Variants in TMTC1 observed in about 807,000 individuals in gnomAD.
TMTC1 encodes transmembrane O-mannosyltransferase targeting cadherins 1, also known as protein O-mannosyl-transferase TMTC1.
TMTC1 carries 73 observed loss-of-function variants against 104.8 expected under a neutral mutation model. The observed-to-expected ratio is 0.70, with a 90% CI of 0.58 to 0.85. The LOEUF (loss-of-function observed/expected upper bound fraction) is 0.85, where lower values mean the gene tolerates loss of function less well. TMTC1 is among the 40% of genes least tolerant of loss of function. The pLI, the probability that TMTC1 is intolerant of heterozygous loss-of-function variation, is 0.00. For missense variants in TMTC1, 1,035 were observed against 1,096.1 expected, an observed-to-expected ratio of 0.94 and a Z score of 0.79; for synonymous variants, 434 against 428.7, an observed-to-expected ratio of 1.01 and a Z score of -0.15.
chr12:29,751,379 T>G (rs11050423), intron 5 of TMTC1, among the ~76,000 whole-genome samples: 18,175 of 151,994 alleles, frequency 0.12, 1,306 homozygotes, highest in East Asian at 0.26. Flanking sequence ...CCAGGAAACG[T>G]AGGGCGCCCA....
intron 5 of TMTC1, among the ~76,000 whole-genome samples, chr12:29,662,007 C>T (rs529018122): frequency 3.3e-5 from 5 of 152,078 alleles, no homozygotes; most frequent in South Asian, 2.1e-4. Context: ...AATCAAGAGA[C>T]GGTATTAAGA....
chr12:29,658,471 T>A (rs1939860936), intron 5 of TMTC1: 1 of 152,558 alleles, frequency 6.6e-6, no homozygotes, highest in South Asian at 2.1e-4. Flanking sequence ...CTTCTCCTGA[T>A]CATTTTCTTT....
At chr12:29,628,638 T>A (rs949623372) in intron 6 of TMTC1, among the ~76,000 whole-genome samples, 2 of 152,106 alleles carry the variant, frequency 1.3e-5, no homozygotes, top group African/African-American at 2.4e-5. Context: ...CTACAACCCT[T>A]TATTGTAACC....
At chr12:29,564,734 G>T (rs1254402227) in intron 9 of TMTC1, among the ~76,000 whole-genome samples, 2 of 152,086 alleles carry the variant, frequency 1.3e-5, no homozygotes, top group Non-Finnish European at 2.9e-5. Context: ...AGGAGATAAG[G>T]AAGCACACAG....
chr12:29,649,930 G>C (rs1939437493), intron 5 of TMTC1, among the ~76,000 whole-genome samples: 1 of 152,120 alleles, frequency 6.6e-6, no homozygotes, highest in African/African-American at 2.4e-5. Context: ...ATTTATTTTT[G>C]TATCAGGCTC....
Position 29,592,017 on chromosome 12 carries a change from T to C in TMTC1, c.1251-8443A>G, listed in dbSNP as rs561719651. On this transcript the variant is annotated intron_variant, in intron 7 of 17. Transcript: ENST00000539277. The stretch of plus-strand genomic sequence containing the variant: ...CTCTGGCTCAGACATTTTATGATAT[T>C]TGCTATGGCTTCACTTTCTGTTGAA... Among the ~76,000 whole-genome samples, 3 of 152,346 alleles carry C rather than the reference T, an allele frequency of 2.0e-5. No individual in the cohort carries two copies. The South Asian group carries it at 6.2e-4, about 32-fold the overall frequency.
intron 5 of TMTC1, among the ~76,000 whole-genome samples, chr12:29,709,925 C>T (rs1941852559): frequency 6.6e-6 from 1 of 152,100 alleles, no homozygotes; most frequent in African/African-American, 2.4e-5. Context: ...TTTCCAATCG[C>T]AGAACATGAG....
At chr12:29,684,811 T>G (rs1354019206) in intron 5 of TMTC1, among the ~76,000 whole-genome samples, 1 of 152,164 alleles carries the variant, frequency 6.6e-6, no homozygotes, top group Non-Finnish European at 1.5e-5. Context: ...CACACACAGT[T>G]GGCTGTAATT....
intron 11 of TMTC1, 90 bp downstream of exon 11, chr12:29,536,118 AC>A: frequency 3.4e-6 from 3 of 892,540 alleles, no homozygotes; most frequent in Non-Finnish European, 5.5e-6. Flanking sequence ...ATATGGGTTT[AC>A]AAATTAAATC....
At chr12:29,707,792 T>C (rs1354382310) in intron 5 of TMTC1, among the ~76,000 whole-genome samples, 1 of 152,198 alleles carries the variant, frequency 6.6e-6, no homozygotes, top group East Asian at 1.9e-4. Context: ...TGCTGTGCAC[T>C]ACCTGTCCAC....
intron 8 of TMTC1, among the ~76,000 whole-genome samples, chr12:29,572,747 C>T (rs1356786831): frequency 1.3e-5 from 2 of 152,178 alleles, no homozygotes; most frequent in Non-Finnish European, 2.9e-5. Context: ...GCTTTTCCTT[C>T]TAGGGAGAAT....
intron 8 of TMTC1, among the ~76,000 whole-genome samples, chr12:29,577,747 C>T (rs968574175): frequency 1.3e-5 from 2 of 152,106 alleles, no homozygotes; most frequent in African/African-American, 4.8e-5. Context: ...CTAACACTAT[C>T]TTTCATTTAT....
intron 5 of TMTC1, among the ~76,000 whole-genome samples, chr12:29,734,832 C>CGA (rs1315319366): frequency 1.3e-5 from 2 of 152,182 alleles, no homozygotes; most frequent in East Asian, 3.9e-4. Context: ...GCTTCAAGAC[C>CGA]ATCTATTGCC....
chr12:29,520,902 C>CA, intron 11 of TMTC1, 182 bp from the exon 12 acceptor site: 1 of 569,152 alleles, frequency 1.8e-6, no homozygotes. Flanking sequence ...TAACTGTGTA[C>CA]AAAATACCCA....
chr12:29,617,683 A>T (rs1450727366), intron 6 of TMTC1, among the ~76,000 whole-genome samples: 1 of 152,154 alleles, frequency 6.6e-6, no homozygotes, highest in Non-Finnish European at 1.5e-5. Context: ...CAAGAAATGG[A>T]GAGCAATTCT....
At chr12:29,620,039 C>T (rs554768659) in intron 6 of TMTC1, among the ~76,000 whole-genome samples, 3 of 152,138 alleles carry the variant, frequency 2.0e-5, no homozygotes, top group African/African-American at 4.8e-5. Context: ...TGAAATACAT[C>T]GACTCAAGAA....
At chr12:29,570,272 G>C (rs1383706622) in intron 9 of TMTC1, among the ~76,000 whole-genome samples, 1 of 152,080 alleles carries the variant, frequency 6.6e-6, no homozygotes, top group African/African-American at 2.4e-5. Context: ...AAAAGGAATA[G>C]ATGTTCATTG....
At chr12:29,721,616 C>T (rs1181564683) in intron 5 of TMTC1, among the ~76,000 whole-genome samples, 1 of 152,022 alleles carries the variant, frequency 6.6e-6, no homozygotes. Flanking sequence ...TTTTAACACA[C>T]TCCTTTCAGC....
intron 5 of TMTC1, among the ~76,000 whole-genome samples, chr12:29,727,621 C>G (rs1942431674): frequency 6.6e-6 from 1 of 152,106 alleles, no homozygotes; most frequent in Non-Finnish European, 1.5e-5. Flanking sequence ...CGTGATCTGC[C>G]CGCCTCAGCC....
Sources: gnomAD v4.1 joint callset for allele counts (sites outside exome capture counted in the v4.1 genomes callset) on GRCh38, gnomAD v4.1.1 for gene constraint, MANE v1.5 for transcripts, NCBI Gene and HGNC (gene_info 2026-07-23, HGNC 2026-07-21) for gene names.